The following TDRD6 variants were observed in gnomAD, a reference collection of about 807,000 sequenced individuals.
TDRD6 encodes tudor domain containing 6.
TDRD6 carries 186 observed loss-of-function variants against 157.5 expected under a neutral mutation model. That is an observed-to-expected ratio of 1.18 (90% CI 1.05 to 1.33). The LOEUF (loss-of-function observed/expected upper bound fraction) is 1.33. TDRD6 is among the 40% of genes most tolerant of loss of function. The pLI is 0.00. For synonymous variants in TDRD6, 1,075 were observed against 945.2 expected, an observed-to-expected ratio of 1.14 and a Z score of -2.52; for missense variants, 3,066 against 2,508.0, an observed-to-expected ratio of 1.22 and a Z score of -4.75.
rs1764663456 is a variant in TDRD6 at position 46,703,097 on chromosome 6, T to C, written c.*1210T>C. The stretch of plus-strand genomic sequence containing the variant: ...TCAGCATGCGCCACCAACAAAAGAC[T>C]GTAAAAAACAAACAAACAAAAAAGT... On this transcript the variant is annotated 3_prime_UTR_variant, in exon 4 of 4. Transcript: ENST00000316081. 6.6e-6 allele frequency: 1 copy of C among 152,014 alleles called. No individual in the cohort carries two copies. The highest frequency in any genetic ancestry group is 2.4e-5 in the African/African-American group (1 of 41,422). The allele number at this position is 152,014 out of a possible 1,614,324, so 9.4% of individuals were successfully genotyped here.
rs772153401 is a variant in TDRD6 at position 46,698,070 on chromosome 6, G to C, written c.6244G>C (p.Asp2082His). The C allele has an allele frequency of 4.4e-6, 7 of 1,607,648 alleles. 1 individual carries two copies. The South Asian group carries it at 6.6e-5, about 15-fold the overall frequency. ...ENVWNGIPKLDKSPPEKRGLE... is the reference protein window; with the variant it reads ...ENVWNGIPKLHKSPPEKRGLE... ...TGTCTGGAATGGCATACCCAAATTGGATAAGAGTCCACCTGAGGTATGGAA... is the reference window on the plus strand; with the variant it reads ...TGTCTGGAATGGCATACCCAAATTGCATAAGAGTCCACCTGAGGTATGGAA... The change falls in exon 3 of 4, where the codon GAT becomes CAT. Residue 2082 changes from aspartate (D) to histidine (H), a missense_variant. Asp to His is a moderately conservative substitution (Grantham distance 81). Transcript: ENST00000316081.
chr6:46,700,757 A>G (rs1485152935), intron 3 of TDRD6, among the ~76,000 whole-genome samples: 1 of 152,206 alleles, frequency 6.6e-6, no homozygotes, highest in Non-Finnish European at 1.5e-5. Context: ...AAACATTGGA[A>G]AAGGGTACTT....
Position 46,690,495 on chromosome 6 carries a change from T to G in TDRD6, c.2367T>G (p.Cys789Trp). Residue 789 changes from cysteine to tryptophan, a missense_variant, in exon 1 of 4, where the codon TGT becomes TGG. Coordinates refer to ENST00000316081, the MANE Select transcript of TDRD6 (RefSeq NM_001010870.3). Reference sequence around the variant, plus strand: ...TTGAAAACCCTGGCTATTTCTGGTGTCAGCTGACCAGGAACATACAAGGAC... The same window carrying G: ...TTGAAAACCCTGGCTATTTCTGGTGGCAGCTGACCAGGAACATACAAGGAC... Reference protein sequence around the residue: ...SYVENPGYFWCQLTRNIQGLK... With the variant: ...SYVENPGYFWWQLTRNIQGLK... 6.2e-7 allele frequency: 1 copy of G among 1,614,140 alleles called. No homozygotes were observed. The highest frequency in any genetic ancestry group is 8.5e-7 in the Non-Finnish European group (1 of 1,179,970).
chr6:46,688,874 G>A lies in TDRD6; in HGVS notation c.746G>A (p.Gly249Asp), dbSNP rs187129396. The A allele has an allele frequency of 1.1e-5, 18 of 1,608,754 alleles. No individual in the cohort carries two copies. The African/African-American group carries it at 2.4e-4, about 21-fold the overall frequency. ...TACTTCTATCCCCAGCTGCAGCTGG[G>A]CGTGACGGAGGCCGTGGTCATAACC... ...LDYFYPQLQL[G>D]VTEAVVITQV... Residue 249 changes from glycine (G) to aspartate (D), a missense_variant, in exon 1 of 4, where the codon GGC becomes GAC. By Grantham distance (94) the Gly-to-Asp change is moderately conservative. Coordinates refer to ENST00000316081, the MANE Select transcript of TDRD6 (RefSeq NM_001010870.3).
rs1218205778 is a variant in TDRD6 at position 46,693,052 on chromosome 6, T to C, written c.4924T>C (p.Ser1642Pro). ...ATGTTGCCTCTCAGGGTTTAACATT[T>C]CAGAAGGATTATGTTCTCAAGAGGG... ...FPCCLSGFNI[S>P]EGLCSQEGND... The change falls in exon 1 of 4, where the codon TCA becomes CCA. Residue 1642 changes from serine to proline, a missense_variant. Physicochemically the swap from Ser to Pro is moderately conservative, Grantham distance 74. Coordinates refer to ENST00000316081, the MANE Select transcript of TDRD6 (RefSeq NM_001010870.3). 3 of 1,613,794 alleles carry C rather than the reference T, an allele frequency of 1.9e-6. No individual in the cohort carries two copies. In the East Asian group the frequency reaches 6.7e-5, roughly 36 times the overall value.
chr6:46,689,250 C>T lies in TDRD6; in HGVS notation c.1122C>T (p.Tyr374=), dbSNP rs192299411. The T allele has an allele frequency of 1.9e-6, 3 of 1,614,122 alleles. No homozygotes were observed. Among genetic ancestry groups the T allele is most frequent in the East Asian group, 4.5e-5 (2 of 44,878 alleles). ...ATTTTCGAATGCCGGTGGTGACCTA[C>T]CCTTGTGCTTTGTATGGACTCTGGG... ...PEYFRMPVVT[Y]PCALYGLWDG... is the part of the protein sequence containing the mutation. The change falls in exon 1 of 4, where the codon TAC becomes TAT. Residue 374 remains tyrosine (Y), a synonymous_variant. Coordinates refer to ENST00000316081, the MANE Select transcript of TDRD6 (RefSeq NM_001010870.3).
chr6:46,689,145 C>G lies in TDRD6; in HGVS notation c.1017C>G (p.Arg339=), dbSNP rs776063349. 6.2e-7 allele frequency: 1 copy of G among 1,614,224 alleles called. No individual in the cohort carries two copies. The highest frequency in any genetic ancestry group is 8.5e-7 in the Non-Finnish European group (1 of 1,180,048). Residue 339 remains arginine (R), a synonymous_variant, in exon 1 of 4, where the codon CGC becomes CGG. Coordinates refer to ENST00000316081, the MANE Select transcript of TDRD6 (RefSeq NM_001010870.3). ...TGCTTGAGACTTTTCGGCCCCAGCG[C>G]TGTGCCCAGGTGCTTCATGTGGACT... ...ALLLETFRPQ[R]CAQVLHVDYG...
chr6:46,692,670 T>G lies in TDRD6; in HGVS notation c.4542T>G (p.Tyr1514Ter). 1 of 1,613,648 alleles carries G rather than the reference T, an allele frequency of 6.2e-7. No homozygotes were observed. Among genetic ancestry groups the G allele is most frequent in the Non-Finnish European group, 8.5e-7 (1 of 1,179,896 alleles). ...DIDTSVFLNW[Y>*]NPEKKMIRAY... ...ACACTTCAGTATTTCTTAACTGGTATAATCCAGAAAAAAAAATGATAAGAG... is the reference window on the plus strand; with the variant it reads ...ACACTTCAGTATTTCTTAACTGGTAGAATCCAGAAAAAAAAATGATAAGAG... The change falls in exon 1 of 4, where the codon TAT becomes TAG. Residue 1514 changes from tyrosine (Y) to a stop codon, truncating the protein, a stop_gained. Coordinates refer to ENST00000316081, the MANE Select transcript of TDRD6 (RefSeq NM_001010870.3). LOFTEE classifies it high-confidence loss of function.
chr6:46,682,146 T>G, the TDRD6 span, among the ~76,000 whole-genome samples: 2 of 152,046 alleles, frequency 1.3e-5, no homozygotes, highest in Admixed American at 1.3e-4. Context: ...CAGCATCATA[T>G]AAAGTATAAT....
At chr6:46,699,075 CAG>C (rs763987552) in intron 3 of TDRD6, among the ~76,000 whole-genome samples, 17 of 152,154 alleles carry the variant, frequency 1.1e-4, no homozygotes, top group Non-Finnish European at 2.4e-4. Context: ...GTGCATAGCT[CAG>C]GGGCAATCCT....
upstream of TDRD6, among the ~76,000 whole-genome samples, chr6:46,686,353 T>C (rs1375989491): frequency 6.6e-6 from 1 of 152,068 alleles, no homozygotes; most frequent in African/African-American, 2.4e-5. Context: ...ATTTACTGGA[T>C]GCTAACAGTC....
chr6:46,695,893 G>A lies in TDRD6; in HGVS notation c.6119G>A (p.Arg2040Lys). Residue 2040 changes from arginine to lysine, a missense_variant, in exon 2 of 4, where the codon AGA becomes AAA. Transcript: ENST00000316081. ...AAATGTGTTGTGTGGTCAAGTCTAA[G>A]AAACACATGGTCTAAATGTGAGATT... ...GSKCVVWSSL[R>K]NTWSKCEILE... 2 of 1,613,724 alleles carry A rather than the reference G, an allele frequency of 1.2e-6. No homozygotes were observed. The highest frequency in any genetic ancestry group is 2.2e-5 in the East Asian group (1 of 44,796).
Position 46,689,774 on chromosome 6 carries a change from A to C in TDRD6, c.1646A>C (p.Glu549Ala), listed in dbSNP as rs200969988. 69 of 1,614,118 alleles carry C rather than the reference A, an allele frequency of 4.3e-5. No homozygotes were observed. The highest frequency in any genetic ancestry group is 5.9e-6 in the Non-Finnish European group (7 of 1,180,052). The change falls in exon 1 of 4, where the codon GAA becomes GCA. Residue 549 changes from glutamate (E) to alanine (A), a missense_variant. Coordinates refer to ENST00000316081, the MANE Select transcript of TDRD6 (RefSeq NM_001010870.3). ...PDDLCCVKWK[E>A]NGYYRAIVTK... ...GACCTTTGCTGTGTCAAGTGGAAAG[A>C]AAATGGTTATTATAGGGCCATAGTC... is the stretch of plus-strand genomic sequence containing the variant.
rs772990969 is a variant in TDRD6, at chr6:46,691,446, T to A, written c.3318T>A (p.His1106Gln). Reference sequence around the variant, plus strand: ...GTTCATTATCTGATATTCCTGATCATATACCAGAAGAAGTGGTGGTGTGGT... The same window carrying A: ...GTTCATTATCTGATATTCCTGATCAAATACCAGAAGAAGTGGTGGTGTGGT... ...VRCSLSDIPD[H>Q]IPEEVVVWFQ... is the part of the protein sequence containing the mutation. The change falls in exon 1 of 4, where the codon CAT becomes CAA. Residue 1106 changes from histidine (H) to glutamine (Q), a missense_variant. Physicochemically the swap from His to Gln is conservative, Grantham distance 24. Coordinates refer to ENST00000316081, the MANE Select transcript of TDRD6 (RefSeq NM_001010870.3). The A allele has an allele frequency of 6.2e-7, 1 of 1,614,082 alleles. No individual in the cohort carries two copies. The highest frequency in any genetic ancestry group is 8.5e-7 in the Non-Finnish European group (1 of 1,179,952).
At chr6:46,685,193 T>A (rs1764062599), upstream of TDRD6, among the ~76,000 whole-genome samples, 1 of 152,202 alleles carries the variant, frequency 6.6e-6, no homozygotes, top group African/African-American at 2.4e-5. Context: ...AAGTCCTATG[T>A]CAGACGTGTG....
At chr6:46,695,307 G>T (rs527625196) in intron 1 of TDRD6, among the ~76,000 whole-genome samples, 1 of 152,174 alleles carries the variant, frequency 6.6e-6, no homozygotes, top group East Asian at 1.9e-4. Flanking sequence ...ATTGAATCCT[G>T]CATTTTAGTC....
Position 46,690,433 on chromosome 6 carries a change from GA to G in TDRD6, c.2307del (p.Val770LeufsTer5), listed in dbSNP as rs1489747601. 6.2e-7 allele frequency: 1 copy of G among 1,614,076 alleles called. No homozygotes were observed. The highest frequency in any genetic ancestry group is 8.5e-7 in the Non-Finnish European group (1 of 1,180,014). On this transcript the variant is annotated frameshift_variant, in exon 1 of 4. Coordinates refer to ENST00000316081, the MANE Select transcript of TDRD6 (RefSeq NM_001010870.3). LOFTEE classifies it high-confidence loss of function. Reference sequence around the variant, plus strand: ...AGGCTCCTCTAGTAAAGGAGAGCTGGAAGTTGGAAGTACAGTAGAAGTCAGA... The same window carrying G: ...AGGCTCCTCTAGTAAAGGAGAGCTGGAGTTGGAAGTACAGTAGAAGTCAGA... ...KPGSSSKGEL[E>X]VGSTVEVRVS...
intron 2 of TDRD6, among the ~76,000 whole-genome samples, chr6:46,696,231 T>C (rs1417625560): frequency 1.3e-5 from 2 of 152,012 alleles, no homozygotes; most frequent in African/African-American, 2.4e-5. Flanking sequence ...TTTTTATATC[T>C]AATGCCACTA....
chr6:46,692,275 C>G lies in TDRD6; in HGVS notation c.4147C>G (p.Leu1383Val). Reference sequence around the variant, plus strand: ...CAAGGAGCAACAACCCAATGACCTTCTCTCTGTGCAGTTTATAGATTATGG... The same window carrying G: ...CAAGGAGCAACAACCCAATGACCTTGTCTCTGTGCAGTTTATAGATTATGG... ...VIKEQQPNDL[L>V]SVQFIDYGNV... The change falls in exon 1 of 4, where the codon CTC (leucine) becomes GTC (valine). Residue 1383 changes from leucine to valine, a missense_variant. Coordinates refer to ENST00000316081, the MANE Select transcript of TDRD6 (RefSeq NM_001010870.3). 1 of 1,614,076 alleles carries G rather than the reference C, an allele frequency of 6.2e-7. No individual in the cohort carries two copies. The highest frequency in any genetic ancestry group is 8.5e-7 in the Non-Finnish European group (1 of 1,179,986).
Sources: allele counts gnomAD v4.1 joint callset (sites outside exome capture counted in the v4.1 genomes callset), GRCh38; gene constraint gnomAD v4.1.1; transcripts MANE v1.5; gene names NCBI Gene and HGNC (gene_info 2026-07-23, HGNC 2026-07-21).